The following RANBP2 variants were observed in gnomAD, a reference collection of about 807,000 sequenced individuals.
RANBP2 encodes the protein RAN binding protein 2.
In RANBP2, 57 loss-of-function variants were observed where a neutral mutation model predicts 303.6. The observed-to-expected ratio is 0.19, with a 90% CI of 0.15 to 0.23. The LOEUF is 0.23. Among genes scored for constraint, RANBP2 ranks in the 10% least tolerant of loss-of-function variants. The pLI, the probability that RANBP2 is intolerant of heterozygous loss-of-function variation, is 1.00. For synonymous variants in RANBP2, 1,167 were observed against 1,301.5 expected (o/e 0.90, Z 2.23); for missense variants, 3,138 against 3,780.8 (o/e 0.83, Z 4.46).
chr2:108,898,216 GC>G, the RANBP2 span, among the ~76,000 whole-genome samples: 2 of 152,136 alleles, frequency 1.3e-5, no homozygotes, highest in Non-Finnish European at 2.9e-5. Flanking sequence ...CCCTCACCAG[GC>G]TGTAACACTG....
At chr2:108,725,244 C>G (rs541948626) in intron 1 of RANBP2, among the ~76,000 whole-genome samples, 1 of 152,290 alleles carries the variant, frequency 6.6e-6, no homozygotes, top group South Asian at 2.1e-4. Context: ...GTGCTCCTTC[C>G]TAGCTGTGTA....
the RANBP2 span, among the ~76,000 whole-genome samples, chr2:109,360,417 G>C: frequency 1.3e-5 from 2 of 152,218 alleles, no homozygotes; most frequent in Non-Finnish European, 2.9e-5. Context: ...CACAAACTTT[G>C]TTTCATGCAC....
chr2:109,555,417 C>T, the RANBP2 span, among the ~76,000 whole-genome samples: 1 of 152,168 alleles, frequency 6.6e-6, no homozygotes, highest in Non-Finnish European at 1.5e-5. Context: ...TCATCCTCTA[C>T]CCCTCAAGGG....
the RANBP2 span, among the ~76,000 whole-genome samples, chr2:109,609,897 T>C: frequency 2.0e-5 from 3 of 152,160 alleles, no homozygotes; most frequent in Non-Finnish European, 4.4e-5. Context: ...GTCAGTGGAC[T>C]GTACTCAACA....
At chr2:109,355,635 G>A in the RANBP2 span, among the ~76,000 whole-genome samples, 8 of 152,184 alleles carry the variant, frequency 5.3e-5, no homozygotes, top group Admixed American at 2.0e-4. Context: ...TCCCTTCAGC[G>A]TGGCTTTCCT....
At chr2:109,694,485 C>T in the RANBP2 span, among the ~76,000 whole-genome samples, 6 of 150,684 alleles carry the variant, frequency 4.0e-5, no homozygotes, top group Non-Finnish European at 8.9e-5. Flanking sequence ...CTCACTGCAA[C>T]CTCTACCTCC....
chr2:108,857,424 A>G, the RANBP2 span, among the ~76,000 whole-genome samples: 6 of 152,148 alleles, frequency 3.9e-5, no homozygotes, highest in Non-Finnish European at 1.5e-5. Context: ...TGAGTCATTA[A>G]TAACATCACT....
the RANBP2 span, among the ~76,000 whole-genome samples, chr2:109,086,450 T>G: frequency 2.0e-5 from 3 of 151,894 alleles, no homozygotes; most frequent in African/African-American, 7.3e-5. Context: ...TTGGTGGGGG[T>G]CTCGTTTTAC....
chr2:109,178,737 T>C, the RANBP2 span, among the ~76,000 whole-genome samples: 2 of 152,226 alleles, frequency 1.3e-5, no homozygotes, highest in African/African-American at 4.8e-5. Flanking sequence ...TTTTAATTGG[T>C]GTGTCGTGTA....
At chr2:108,914,800 C>A in the RANBP2 span, among the ~76,000 whole-genome samples, 1 of 152,238 alleles carries the variant, frequency 6.6e-6, no homozygotes, top group Non-Finnish European at 1.5e-5. Context: ...CAGCTGCCAT[C>A]CCCAAATCAA....
At chr2:109,562,569 A>C in the RANBP2 span, among the ~76,000 whole-genome samples, 1 of 152,172 alleles carries the variant, frequency 6.6e-6, no homozygotes, top group Non-Finnish European at 1.5e-5. Flanking sequence ...TCATCCCTGG[A>C]AATTCTGACC....
the RANBP2 span, among the ~76,000 whole-genome samples, chr2:108,868,960 G>A: frequency 1.3e-5 from 2 of 152,104 alleles, no homozygotes; most frequent in South Asian, 2.1e-4. Flanking sequence ...TTTTCTCTAC[G>A]TTCCCAGCTG....
At chr2:109,264,339 A>G in the RANBP2 span, among the ~76,000 whole-genome samples, 1 of 147,546 alleles carries the variant, frequency 6.8e-6, no homozygotes, top group Non-Finnish European at 1.5e-5. Context: ...TCACCTCCCC[A>G]GGATCCACTC....
the RANBP2 span, among the ~76,000 whole-genome samples, chr2:109,659,285 G>A: frequency 4.0e-5 from 6 of 151,566 alleles, no homozygotes; most frequent in South Asian, 1.3e-3. Context: ...GCTGAGGCAG[G>A]AGAATTGCTT....
the RANBP2 span, chr2:109,432,483 C>T: frequency 3.1e-3 from 4,918 of 1,612,344 alleles, 112 homozygotes; most frequent in East Asian, 0.052. Flanking sequence ...TGACACTGGC[C>T]CCATGCTTTG....
chr2:109,559,091 GGCCAGGCTGGTCTT>G, the RANBP2 span, among the ~76,000 whole-genome samples: 2 of 151,968 alleles, frequency 1.3e-5, no homozygotes, highest in East Asian at 3.9e-4. Context: ...TCACCATGTT[GGCCAGGCTGGTCTT>G]GAACTCCTGA....
At chr2:109,481,022 G>T in the RANBP2 span, among the ~76,000 whole-genome samples, 4 of 152,330 alleles carry the variant, frequency 2.6e-5, no homozygotes, top group East Asian at 7.7e-4. Context: ...ATTGCTTCAG[G>T]CAAGAGGACA....
chr2:109,349,257 C>G, the RANBP2 span, among the ~76,000 whole-genome samples: 1 of 152,162 alleles, frequency 6.6e-6, no homozygotes, highest in Non-Finnish European at 1.5e-5. Context: ...CTATTTATGT[C>G]TTGTTCTATT....
chr2:108,959,522 G>C, the RANBP2 span, among the ~76,000 whole-genome samples: 1 of 152,184 alleles, frequency 6.6e-6, no homozygotes, highest in Non-Finnish European at 1.5e-5. Context: ...TAAAACCTGT[G>C]CCAAGATGAC....
Sources: gnomAD v4.1 joint callset for allele counts (sites outside exome capture counted in the v4.1 genomes callset) on GRCh38, gnomAD v4.1.1 for gene constraint, MANE v1.5 for transcripts, NCBI Gene and HGNC (gene_info 2026-07-23, HGNC 2026-07-21) for gene names.